The following AHCTF1 variants were observed in gnomAD, a reference collection of about 807,000 sequenced individuals.
AHCTF1 encodes the protein AT-hook containing transcription factor 1, also known as protein ELYS.
In AHCTF1, 24 loss-of-function variants were observed where a neutral mutation model predicts 248.4. The observed-to-expected ratio is 0.10, with a 90% CI of 0.07 to 0.14. AHCTF1 has a LOEUF of 0.14. AHCTF1 is among the 10% of genes least tolerant of loss of function. The probability of loss-of-function intolerance (pLI) is 1.00; values close to 1 mark genes in which losing one functional copy is unlikely to be tolerated. For synonymous variants in AHCTF1, 786 were observed against 929.8 expected (o/e 0.85, Z 2.81); for missense variants, 2,206 against 2,636.2 (o/e 0.84, Z 3.57).
intron 1 of AHCTF1, among the ~76,000 whole-genome samples, chr1:246,927,051 A>G (rs1212352825): frequency 2.0e-5 from 3 of 149,272 alleles, no homozygotes; most frequent in East Asian, 4.0e-4. Context: ...GGTGACGGGA[A>G]CCTGTAGTCC....
At position 246,900,462 on chromosome 1, in the gene AHCTF1, C is replaced by T. The variant is rs1443364219; in HGVS notation, c.1125G>A (p.Ser375=). 11 of 1,585,298 alleles carry T rather than the reference C, an allele frequency of 6.9e-6. No individual in the cohort carries two copies. Among genetic ancestry groups the T allele is most frequent in the Middle Eastern group, 1.7e-4 (1 of 5,988 alleles). ...DREEGVNEAL[S]PDTSVSVFTW... is the part of the protein sequence containing the mutation. ...TAAAGACTGAAACACTAGTGTCAGG[C>T]GATAGAGCTGGAAGAAAAAGATAAT... Residue 375 remains serine (S), a synonymous_variant, in exon 9 of 36, where the codon TCG becomes TCA. Coordinates refer to ENST00000648844, the MANE Select transcript of AHCTF1 (RefSeq NM_001323342.2).
chr1:246,918,348 A>T lies in AHCTF1; in HGVS notation c.23T>A (p.Val8Glu). 6.2e-7 allele frequency: 1 copy of T among 1,612,138 alleles called. No homozygotes were observed. The highest frequency in any genetic ancestry group is 8.5e-7 in the Non-Finnish European group (1 of 1,179,260). MRDLRAQ[V>E]TSGLLPFPEV... is the part of the protein sequence containing the mutation. ...TGGAAATGGCAGGAGACCACTAGTC[A>T]CTTGAGCTCTTAAGTCTCGCATACT... The change falls in exon 2 of 36, where the codon GTG (valine) becomes GAG (glutamate). Residue 8 changes from valine to glutamate, a missense_variant. By Grantham distance (121) the Val-to-Glu change is moderately radical. This residue lies in a region of AHCTF1 where 69 missense variants were observed against 85.4 expected (regional missense o/e 0.81). Coordinates refer to ENST00000648844, the MANE Select transcript of AHCTF1 (RefSeq NM_001323342.2).
chr1:246,841,112 A>G, intron 35 of AHCTF1, 114 bp from the exon 36 acceptor site: 3 of 847,844 alleles, frequency 3.5e-6, no homozygotes, highest in Non-Finnish European at 5.3e-6. Context: ...TTCATTTTAT[A>G]AAAGATGTAA....
At chr1:246,897,662 A>T (rs1350870601) in intron 12 of AHCTF1, among the ~76,000 whole-genome samples, 2 of 152,180 alleles carry the variant, frequency 1.3e-5, no homozygotes, top group Non-Finnish European at 2.9e-5. Flanking sequence ...ACGTGTATTT[A>T]AACACAGAAA....
chr1:246,931,160 C>T, intron 1 of AHCTF1: 1 of 1,550,222 alleles, frequency 6.5e-7, no homozygotes, highest in South Asian at 1.2e-5. Flanking sequence ...GTGGAACACA[C>T]GCCAACACAG....
At chr1:246,868,878 T>G (rs570800761) in intron 24 of AHCTF1, among the ~76,000 whole-genome samples, 2 of 147,844 alleles carry the variant, frequency 1.4e-5, no homozygotes, top group African/African-American at 2.5e-5. Context: ...GGAGTCTCGC[T>G]CTGTCACCCA....
At chr1:246,869,069 C>T (rs915776191) in intron 24 of AHCTF1, among the ~76,000 whole-genome samples, 6 of 151,658 alleles carry the variant, frequency 4.0e-5, no homozygotes, top group Middle Eastern at 3.2e-3. Flanking sequence ...TGGTCTCGAT[C>T]TCCTGACCTC....
chr1:246,849,733 A>G lies in AHCTF1; in HGVS notation c.6273T>C (p.Thr2091=). Reference sequence around the variant, plus strand: ...GAGTCCTGCTGCTGCGGGATGATTTAGTGAAGGAAGCTGTGGCGAGCAATC... The same window carrying G: ...GAGTCCTGCTGCTGCGGGATGATTTGGTGAAGGAAGCTGTGGCGAGCAATC... The part of the protein sequence containing the change: ...EERLLATASF[T]KSSRSSRTRS... The change falls in exon 33 of 36, where the codon ACT becomes ACC. Residue 2091 remains threonine (T), a synonymous_variant. Transcript: ENST00000648844. 6.2e-7 allele frequency: 1 copy of G among 1,614,010 alleles called. No homozygotes were observed. The highest frequency in any genetic ancestry group is 8.5e-7 in the Non-Finnish European group (1 of 1,179,876).
At chr1:246,920,713 TGAGCCGAGATC>T (rs1372612807) in intron 1 of AHCTF1, among the ~76,000 whole-genome samples, 8 of 148,848 alleles carry the variant, frequency 5.4e-5, no homozygotes, top group African/African-American at 2.5e-5. Context: ...GAGCTTGCAG[TGAGCCGAGATC>T]GCACCACTGC....
At chr1:246,910,086 A>G (rs1002900586) in intron 4 of AHCTF1, among the ~76,000 whole-genome samples, 1 of 152,242 alleles carries the variant, frequency 6.6e-6, no homozygotes, top group Admixed American at 6.5e-5. Context: ...AGTACTCAGC[A>G]CTTCCAAACT....
At chr1:246,906,153 G>A (rs1228017743) in intron 5 of AHCTF1, among the ~76,000 whole-genome samples, 2 of 152,140 alleles carry the variant, frequency 1.3e-5, no homozygotes, top group African/African-American at 4.8e-5. Context: ...CAGAAGATGA[G>A]TTAGAAACTG....
intron 27 of AHCTF1, 101 bp downstream of exon 27, chr1:246,863,823 C>T: frequency 8.4e-7 from 1 of 1,192,010 alleles, no homozygotes; most frequent in Non-Finnish European, 1.2e-6. Flanking sequence ...TCCCAGCACT[C>T]CCCAAGCGTA....
chr1:246,903,304 C>T (rs147620319), intron 7 of AHCTF1, among the ~76,000 whole-genome samples: 46 of 152,268 alleles, frequency 3.0e-4, no homozygotes, highest in Non-Finnish European at 5.4e-4. Context: ...CGTATGTCCT[C>T]TTATAAAAAT....
Position 246,877,231 on chromosome 1 carries a change from T to C in AHCTF1, c.2732A>G (p.His911Arg), listed in dbSNP as rs778792987. The C allele has an allele frequency of 1.9e-6, 3 of 1,613,276 alleles. No individual in the cohort carries two copies. Among genetic ancestry groups the C allele is most frequent in the Non-Finnish European group, 2.5e-6 (3 of 1,179,738 alleles). The part of the protein sequence containing the change: ...NRLNIEELLK[H>R]MYEVCQEMGL... ...CATTTCCTGACAGACTTCATACATG[T>C]GCTTCAGTAACTCCTCTATATTCAA... The change falls in exon 22 of 36, where the codon CAC becomes CGC. Residue 911 changes from histidine to arginine, a missense_variant. His to Arg is a conservative substitution (Grantham distance 29). This residue lies in a region of AHCTF1 where 955 missense variants were observed against 1,055.6 expected (regional missense o/e 0.90). Coordinates refer to ENST00000648844, the MANE Select transcript of AHCTF1 (RefSeq NM_001323342.2).
At chr1:246,891,193 A>G (rs980066881) in intron 15 of AHCTF1, 133 bp from the exon 16 acceptor site, 17 of 536,294 alleles carry the variant, frequency 3.2e-5, no homozygotes, top group Middle Eastern at 3.6e-4. Flanking sequence ...TGTTCAAGAT[A>G]TATGTATCTC....
intron 21 of AHCTF1, among the ~76,000 whole-genome samples, chr1:246,881,357 T>G (rs1026323267): frequency 6.6e-6 from 1 of 152,180 alleles, no homozygotes; most frequent in Non-Finnish European, 1.5e-5. Context: ...CAACTCTGCA[T>G]ACTTAGTAAC....
chr1:246,899,175 A>G (rs1664819948), intron 11 of AHCTF1, among the ~76,000 whole-genome samples: 1 of 151,912 alleles, frequency 6.6e-6, no homozygotes, highest in Admixed American at 6.6e-5. Flanking sequence ...TCTTTGCATT[A>G]CTTCATTTCC....
At chr1:246,921,565 TC>T (rs1558281889) in intron 1 of AHCTF1, among the ~76,000 whole-genome samples, 1 of 151,960 alleles carries the variant, frequency 6.6e-6, no homozygotes, top group African/African-American at 2.4e-5. Flanking sequence ...CTAATCAGAA[TC>T]CCCCCAAAAA....
At chr1:246,919,889 A>G (rs979297961) in intron 1 of AHCTF1, among the ~76,000 whole-genome samples, 1 of 151,714 alleles carries the variant, frequency 6.6e-6, no homozygotes, top group Non-Finnish European at 1.5e-5. Context: ...CATGCCTGTA[A>G]CACCACTTTG....
Sources: gnomAD v4.1 joint callset for allele counts (sites outside exome capture counted in the v4.1 genomes callset) on GRCh38, gnomAD v4.1.1 for gene constraint, gnomAD v4.1.1 regional missense constraint, MANE v1.5 for transcripts, NCBI Gene and HGNC (gene_info 2026-07-23, HGNC 2026-07-21) for gene names.